Variants in EPHB1 observed in about 807,000 individuals in gnomAD.
The protein encoded by EPHB1 is EPH receptor B1.
EPHB1 carries 30 observed loss-of-function variants against 94.4 expected under a neutral mutation model. The ratio of observed to expected loss-of-function variants is 0.32; its 90% confidence interval spans 0.24 to 0.43. The LOEUF is 0.43. Ranked by LOEUF, EPHB1 falls within the 20% of genes least tolerant of loss-of-function variation. EPHB1 has a pLI of 1.00. For missense variants in EPHB1, 1,055 were observed against 1,308.3 expected (o/e 0.81, Z 2.99); for synonymous variants, 522 against 489.1 (o/e 1.07, Z -0.89).
intron 15 of EPHB1, among the ~76,000 whole-genome samples, chr3:135,255,645 T>C (rs1002616539): frequency 6.6e-6 from 1 of 150,738 alleles, no homozygotes; most frequent in Non-Finnish European, 1.5e-5. Context: ...AAGTATGTGG[T>C]CAATTTTGGA....
At chr3:135,113,576 C>T (rs1346092084) in intron 4 of EPHB1, among the ~76,000 whole-genome samples, 2 of 152,162 alleles carry the variant, frequency 1.3e-5, no homozygotes, top group African/African-American at 2.4e-5. Flanking sequence ...GTCATGACAG[C>T]TCGTGTCTTG....
chr3:135,008,038 C>G (rs1935484976), intron 3 of EPHB1, among the ~76,000 whole-genome samples: 1 of 152,128 alleles, frequency 6.6e-6, no homozygotes, highest in Non-Finnish European at 1.5e-5. Context: ...ATCAGGACAA[C>G]TGAGATTGTG....
chr3:134,899,847 T>C lies in EPHB1; in HGVS notation c.59-25969T>C, dbSNP rs184721379. ...ATGCTACCATGCCTGGAGGAGCTTC[T>C]CCAGGAAAAGGGCTTTCCAGGTGGG... On this transcript the variant is annotated intron_variant, in intron 1 of 15. Transcript: ENST00000398015. Among the ~76,000 whole-genome samples, 72 of 152,282 alleles carry C rather than the reference T, an allele frequency of 4.7e-4. 2 individuals carry two copies. In the East Asian group the frequency reaches 0.013, roughly 27 times the overall value.
chr3:135,081,170 G>C (rs1431028651), intron 3 of EPHB1, among the ~76,000 whole-genome samples: 2 of 152,212 alleles, frequency 1.3e-5, no homozygotes, highest in Non-Finnish European at 2.9e-5. Flanking sequence ...ATCATCACCA[G>C]AGCATGTGGA....
rs558641612 is a variant in EPHB1, at chr3:135,202,983, A to G, written c.2346+1294A>G. ...TTGGAACCAACCCAAATGCCCATCA[A>G]TGATAGACTGGATAAAGAAAATGGC... is the stretch of plus-strand genomic sequence containing the variant. On this transcript the variant is annotated intron_variant, in intron 12 of 15. Transcript: ENST00000398015. 9.8e-5 allele frequency among the ~76,000 whole-genome samples: 15 copies of G among 152,356 alleles called. No homozygotes were observed. In the South Asian group the frequency reaches 1.9e-3, roughly 19 times the overall value.
intron 3 of EPHB1, among the ~76,000 whole-genome samples, chr3:135,039,165 G>A (rs1008656634): frequency 3.3e-5 from 5 of 151,354 alleles, no homozygotes; most frequent in Non-Finnish European, 5.9e-5. Context: ...ACAGAGTGCC[G>A]ATTGGTGTAT....
At position 135,201,438 on chromosome 3, in the gene EPHB1, C is replaced by T. The variant is rs201940974; in HGVS notation, c.2131-36C>T. ...CTCCCTCTGCTTAACCATTGAAGCC[C>T]GTCTTGATCCCAATGCCCTCTATGT... On this transcript the variant is annotated intron_variant, in intron 11 of 15. Transcript: ENST00000398015. The T allele has an allele frequency of 9.0e-4, 1,452 of 1,606,012 alleles. 6 individuals are homozygous for T. Among genetic ancestry groups the T allele is most frequent in the South Asian group, 4.0e-3 (362 of 90,872 alleles).
rs564199065 is a variant in EPHB1 at position 135,035,910 on chromosome 3, C to T, written c.806-70538C>T. ...AGGGTAGTTGGCTCATGGGATTTGCCGAAGCATCTGGTCTAGCCAGGTCCC... is the reference window on the plus strand; with the variant it reads ...AGGGTAGTTGGCTCATGGGATTTGCTGAAGCATCTGGTCTAGCCAGGTCCC... On this transcript the variant is annotated intron_variant, in intron 3 of 15. Coordinates refer to ENST00000398015, the MANE Select transcript of EPHB1 (RefSeq NM_004441.5). Among the ~76,000 whole-genome samples, 74 of 152,236 alleles carry T rather than the reference C, an allele frequency of 4.9e-4. No individual in the cohort carries two copies. The Middle Eastern group carries it at 0.01, about 21-fold the overall frequency.
At chr3:135,215,253 T>G (rs1322143437) in intron 12 of EPHB1, among the ~76,000 whole-genome samples, 2 of 151,950 alleles carry the variant, frequency 1.3e-5, no homozygotes, top group Non-Finnish European at 2.9e-5. Context: ...AACCTCCACC[T>G]CCTGGGTTCA....
chr3:135,068,635 C>A (rs1437223219), intron 3 of EPHB1, among the ~76,000 whole-genome samples: 1 of 150,896 alleles, frequency 6.6e-6, no homozygotes, highest in Non-Finnish European at 1.5e-5. Flanking sequence ...TTTTGAGGCA[C>A]AGAAGTTTTT....
intron 3 of EPHB1, among the ~76,000 whole-genome samples, chr3:134,964,605 G>A (rs997177639): frequency 2.0e-5 from 3 of 152,188 alleles, no homozygotes; most frequent in Admixed American, 6.5e-5. Flanking sequence ...CGATTTCAGG[G>A]CTTCCATTTG....
intron 3 of EPHB1, among the ~76,000 whole-genome samples, chr3:134,954,177 G>A (rs1933147343): frequency 6.6e-6 from 1 of 152,214 alleles, no homozygotes. Context: ...GGGAAGAGAA[G>A]GGCCCCTTGC....
At chr3:135,039,067 C>G (rs1262640913) in intron 3 of EPHB1, among the ~76,000 whole-genome samples, 1 of 152,200 alleles carries the variant, frequency 6.6e-6, no homozygotes, top group Non-Finnish European at 1.5e-5. Context: ...ACCAGAGCAG[C>G]TAGATACAGA....
intron 1 of EPHB1, among the ~76,000 whole-genome samples, chr3:134,828,444 GC>G (rs1163477499): frequency 2.0e-5 from 3 of 152,154 alleles, no homozygotes; most frequent in Non-Finnish European, 2.9e-5. Context: ...CTTTCTTGGA[GC>G]CTAGTCCCTA....
intron 1 of EPHB1, among the ~76,000 whole-genome samples, chr3:134,827,541 C>T (rs2036506652): frequency 1.3e-5 from 2 of 152,252 alleles, no homozygotes. Context: ...TCATGATCAT[C>T]AGGTTTATGT....
At chr3:135,128,019 T>C (rs1286830089) in intron 4 of EPHB1, among the ~76,000 whole-genome samples, 1 of 152,314 alleles carries the variant, frequency 6.6e-6, no homozygotes, top group Admixed American at 6.5e-5. Context: ...TTAAACAGAA[T>C]GCATTCATCA....
intron 3 of EPHB1, among the ~76,000 whole-genome samples, chr3:135,060,854 C>A (rs1025205200): frequency 2.0e-5 from 3 of 151,918 alleles, no homozygotes; most frequent in Non-Finnish European, 4.4e-5. Flanking sequence ...ACTATTGTCA[C>A]CCTGTCTTGC....
At chr3:135,136,341 T>C (rs902953807) in intron 5 of EPHB1, among the ~76,000 whole-genome samples, 1 of 152,214 alleles carries the variant, frequency 6.6e-6, no homozygotes, top group Non-Finnish European at 1.5e-5. Flanking sequence ...ACCCCAATTA[T>C]GTATATAGTC....
intron 3 of EPHB1, among the ~76,000 whole-genome samples, chr3:135,016,135 G>A (rs1935790342): frequency 6.6e-6 from 1 of 152,164 alleles, no homozygotes; most frequent in Admixed American, 6.5e-5. Context: ...GAGATTGAAG[G>A]GCCTTCATTC....
Sources: gnomAD v4.1 joint callset for allele counts (sites outside exome capture counted in the v4.1 genomes callset) on GRCh38, gnomAD v4.1.1 for gene constraint, MANE v1.5 for transcripts, NCBI Gene and HGNC (gene_info 2026-07-23, HGNC 2026-07-21) for gene names.